ROBO2: variants seen among roughly 807,000 people sequenced by gnomAD.
ROBO2 encodes roundabout homolog 2.
In ROBO2, 53 loss-of-function variants were observed where a neutral mutation model predicts 160.8. The ratio of observed to expected loss-of-function variants is 0.33; its 90% CI spans 0.26 to 0.41. ROBO2 has a LOEUF of 0.41. ROBO2 is among the 10% of genes least tolerant of loss of function. The pLI, the probability that ROBO2 is intolerant of heterozygous loss-of-function variation, is 1.00. For missense variants in ROBO2, 1,577 were observed against 1,722.4 expected (o/e 0.92, Z 1.49); for synonymous variants, 664 against 611.7 (o/e 1.09, Z -1.26).
At chr3:76,887,860 T>G (rs540198986) in intron 2 of ROBO2, among the ~76,000 whole-genome samples, 1 of 152,258 alleles carries the variant, frequency 6.6e-6, no homozygotes, top group African/African-American at 2.4e-5. Flanking sequence ...AGAGAGAAGT[T>G]TGAGGAATAA....
chr3:77,565,002 C>T, exon 12 of ROBO2: 1 of 1,613,542 alleles, frequency 6.2e-7, no homozygotes, highest in Non-Finnish European at 8.5e-7. Flanking sequence ...ATGTAAAGAC[C>T]ACCCTCTATA....
At chr3:75,936,693 C>A (rs1256710199) in intron 1 of ROBO2, among the ~76,000 whole-genome samples, 1 of 152,042 alleles carries the variant, frequency 6.6e-6, no homozygotes, top group Non-Finnish European at 1.5e-5. Context: ...GTACATGCAA[C>A]TCAAGTTTAT....
intron 2 of ROBO2, among the ~76,000 whole-genome samples, chr3:76,023,643 C>T (rs1274020468): frequency 6.6e-6 from 1 of 151,378 alleles, no homozygotes; most frequent in African/African-American, 2.4e-5. Flanking sequence ...TCGTTGATCA[C>T]AGATAACTAT....
chr3:76,637,675 T>G (rs781545663), intron 2 of ROBO2, among the ~76,000 whole-genome samples: 7 of 152,198 alleles, frequency 4.6e-5, no homozygotes, highest in Non-Finnish European at 7.3e-5. Context: ...GGTGAGCTTT[T>G]GAAATGCTAG....
At position 77,426,877 on chromosome 3, in the gene ROBO2, A is replaced by G. The variant is rs566059775; in HGVS notation, c.389-50537A>G. ...ATGTAAAAAGAAAATGATTAAAAATACAAATAAGATTAACTCAGCTTCCAA... is the reference window on the plus strand; with the variant it reads ...ATGTAAAAAGAAAATGATTAAAAATGCAAATAAGATTAACTCAGCTTCCAA... On this transcript the variant is annotated intron_variant, in intron 2 of 25. Coordinates refer to ENST00000461745, the Ensembl canonical transcript of ROBO2. Among the ~76,000 whole-genome samples, 5 of 152,346 alleles carry G rather than the reference A, an allele frequency of 3.3e-5. No homozygotes were observed. The East Asian group carries it at 5.8e-4, about 18-fold the overall frequency.
intron 2 of ROBO2, among the ~76,000 whole-genome samples, chr3:77,238,443 A>G (rs2088429871): frequency 6.6e-6 from 1 of 152,126 alleles, no homozygotes; most frequent in Non-Finnish European, 1.5e-5. Flanking sequence ...CCTTTTTGAT[A>G]CCATTTATCC....
chr3:77,486,961 G>T (rs2085439721), intron 4 of ROBO2, among the ~76,000 whole-genome samples: 1 of 152,052 alleles, frequency 6.6e-6, no homozygotes, highest in African/African-American at 2.4e-5. Context: ...AAGATTACTG[G>T]AAACTCTGTG....
chr3:76,047,596 A>G (rs1173728747), intron 2 of ROBO2, among the ~76,000 whole-genome samples: 2 of 152,250 alleles, frequency 1.3e-5, no homozygotes, highest in Non-Finnish European at 2.9e-5. Context: ...TTTCTGCGTG[A>G]TGACAAGCCT....
chr3:77,381,493 A>T (rs2153487421), intron 2 of ROBO2, among the ~76,000 whole-genome samples: 1 of 152,288 alleles, frequency 6.6e-6, no homozygotes, highest in East Asian at 1.9e-4. Flanking sequence ...TTTAACAGAG[A>T]AAATGTGCAT....
At chr3:76,931,550 G>GATACACACACAC (rs2077340637) in intron 2 of ROBO2, among the ~76,000 whole-genome samples, 1 of 150,608 alleles carries the variant, frequency 6.6e-6, no homozygotes, top group Non-Finnish European at 1.5e-5. Context: ...TGCTTTATAA[G>GATACACACACAC]ACACATACAC....
At chr3:76,837,332 T>G (rs1338845794) in intron 2 of ROBO2, among the ~76,000 whole-genome samples, 1 of 151,922 alleles carries the variant, frequency 6.6e-6, no homozygotes, top group Non-Finnish European at 1.5e-5. Context: ...TGGCTTCAAA[T>G]TAATCAATAA....
rs189248072 is a variant in ROBO2 at position 76,295,937 on chromosome 3, A to G, written c.109+358335A>G. On this transcript the variant is annotated intron_variant, in intron 2 of 26. Transcript: ENST00000487694. ...ACTGCAAACCAACTCCACCCTCCCC[A>G]CGTACACATAGTCAATAAGTTATTT... is the stretch of plus-strand genomic sequence containing the variant. 2.6e-5 allele frequency among the ~76,000 whole-genome samples: 4 copies of G among 152,260 alleles called. No individual in the cohort carries two copies. In the East Asian group the frequency reaches 5.8e-4, roughly 22 times the overall value.
chr3:77,493,266 G>A (rs202138591), exon 5 of ROBO2: 48 of 1,613,598 alleles, frequency 3.0e-5, no homozygotes, highest in Admixed American at 1.2e-4. Context: ...TTCTCAGGAG[G>A]CCAATTAACC....
intron 2 of ROBO2, among the ~76,000 whole-genome samples, chr3:76,999,461 A>G (rs2061219947): frequency 6.6e-6 from 1 of 152,080 alleles, no homozygotes; most frequent in Non-Finnish European, 1.5e-5. Context: ...TGTTTTTTGA[A>G]CCTATGTCTT....
intron 2 of ROBO2, among the ~76,000 whole-genome samples, chr3:77,220,541 TA>T (rs1336469655): frequency 6.6e-6 from 1 of 152,076 alleles, no homozygotes; most frequent in Non-Finnish European, 1.5e-5. Flanking sequence ...TCTATTATTT[TA>T]ATATAGTTCA....
At chr3:76,238,036 G>A (rs1372919315) in intron 2 of ROBO2, among the ~76,000 whole-genome samples, 1 of 152,186 alleles carries the variant, frequency 6.6e-6, no homozygotes, top group East Asian at 1.9e-4. Flanking sequence ...AAAATGCCAT[G>A]CACATTATCA....
At chr3:76,523,207 G>A (rs185218625) in intron 2 of ROBO2, among the ~76,000 whole-genome samples, 2 of 151,864 alleles carry the variant, frequency 1.3e-5, no homozygotes, top group East Asian at 3.9e-4. Flanking sequence ...CATTTTTGGT[G>A]TGTGTGATAT....
intron 2 of ROBO2, among the ~76,000 whole-genome samples, chr3:77,012,520 A>G (rs1378248615): frequency 6.6e-6 from 1 of 152,198 alleles, no homozygotes; most frequent in Admixed American, 6.5e-5. Flanking sequence ...TGTGACTTTA[A>G]GAGTCACTTG....
At chr3:76,421,510 T>C (rs1046124731) in intron 2 of ROBO2, among the ~76,000 whole-genome samples, 2 of 152,114 alleles carry the variant, frequency 1.3e-5, no homozygotes, top group African/African-American at 4.8e-5. Flanking sequence ...GAGGATTGCC[T>C]GAGGTCAGGA....
Sources: gnomAD v4.1 joint callset for allele counts (sites outside exome capture counted in the v4.1 genomes callset) on GRCh38, gnomAD v4.1.1 for gene constraint, MANE v1.5 for transcripts, NCBI Gene and HGNC (gene_info 2026-07-23, HGNC 2026-07-21) for gene names.